NRCAM: variants seen among roughly 807,000 people sequenced by gnomAD.
The protein encoded by NRCAM is neuronal cell adhesion molecule.
In NRCAM, 83 loss-of-function variants were observed where a neutral mutation model predicts 156.5. The ratio of observed to expected loss-of-function variants is 0.53; its 90% CI spans 0.44 to 0.64. The LOEUF is 0.64. NRCAM is among the 30% of genes least tolerant of loss of function. NRCAM has a pLI of 0.00. For missense variants in NRCAM, 1,417 were observed against 1,597.3 expected, an observed-to-expected ratio of 0.89 and a Z score of 1.92; for synonymous variants, 538 against 563.9, an observed-to-expected ratio of 0.95 and a Z score of 0.65.
intron 2 of NRCAM, among the ~76,000 whole-genome samples, chr7:108,395,101 A>G (rs543605712): frequency 6.6e-6 from 1 of 152,332 alleles, no homozygotes; most frequent in South Asian, 2.1e-4. Flanking sequence ...CCCAAGGGAA[A>G]ATGAATTCAG....
chr7:108,391,692 T>C (rs2099760581), intron 2 of NRCAM, among the ~76,000 whole-genome samples: 1 of 152,212 alleles, frequency 6.6e-6, no homozygotes, highest in South Asian at 2.1e-4. Flanking sequence ...CAATTTGGCA[T>C]GTTTTTGCAG....
At chr7:108,298,352 G>T (rs532689531) in intron 3 of NRCAM, among the ~76,000 whole-genome samples, 8 of 151,528 alleles carry the variant, frequency 5.3e-5, no homozygotes, top group Non-Finnish European at 8.8e-5. Flanking sequence ...CCCCCTCCCC[G>T]CCAAAAAAAC....
At chr7:108,306,296 A>G (rs2098713776) in intron 3 of NRCAM, among the ~76,000 whole-genome samples, 1 of 152,180 alleles carries the variant, frequency 6.6e-6, no homozygotes, top group Admixed American at 6.5e-5. Flanking sequence ...TCATACGATA[A>G]TTTTTTATTA....
intron 21 of NRCAM, 30 bp downstream of exon 21, chr7:108,184,387 T>C (rs367869068): frequency 1.2e-5 from 20 of 1,613,696 alleles, no homozygotes; most frequent in Admixed American, 1.7e-5. Context: ...TTATATTTCG[T>C]ACCCTAGAAG....
chr7:108,230,925 G>C, intron 8 of NRCAM, 106 bp downstream of exon 8: 2 of 829,782 alleles, frequency 2.4e-6, no homozygotes, highest in Non-Finnish European at 3.7e-6. Flanking sequence ...CTGTTTTCCT[G>C]AGCATCTCTA....
At chr7:108,206,599 T>G (rs950396805) in intron 13 of NRCAM, among the ~76,000 whole-genome samples, 17 of 152,012 alleles carry the variant, frequency 1.1e-4, no homozygotes, top group African/African-American at 3.9e-4. Context: ...TAGCTGGTGG[T>G]GGGTGGGGTA....
In NRCAM at chr7:108,150,150, G is replaced by A; in HGVS notation, c.3678-3C>T. ...AAGGCTTGTGGTCTTCTGCATCACTGGAAGAAAGAGAAAACATTTTTGTCA... is the reference window on the plus strand; with the variant it reads ...AAGGCTTGTGGTCTTCTGCATCACTAGAAGAAAGAGAAAACATTTTTGTCA... On this transcript the variant is annotated splice_polypyrimidine_tract_variant and splice_region_variant and intron_variant, in intron 32 of 32. Transcript: ENST00000379028. 1 of 1,583,186 alleles carries A rather than the reference G, an allele frequency of 6.3e-7. No homozygotes were observed. Among genetic ancestry groups the A allele is most frequent in the Non-Finnish European group, 8.5e-7 (1 of 1,170,284 alleles).
At chr7:108,414,365 C>T (rs1798951720) in intron 1 of NRCAM, among the ~76,000 whole-genome samples, 1 of 152,194 alleles carries the variant, frequency 6.6e-6, no homozygotes, top group African/African-American at 2.4e-5. Context: ...CGTTCCCTCA[C>T]TATTTTTGTC....
In NRCAM at chr7:108,449,355, G is replaced by A. The variant is rs531816901; in HGVS notation, c.-332+6888C>T. On this transcript the variant is annotated intron_variant, in intron 1 of 32. Transcript: ENST00000379028. ...TTCCTTTTCAGTGTTCTTCAACTTT[G>A]ACCCAGCTCCCCCCTCCCTTCACTG... 5.9e-5 allele frequency among the ~76,000 whole-genome samples: 9 copies of A among 152,204 alleles called. No homozygotes were observed. In the South Asian group the frequency reaches 1.5e-3, roughly 25 times the overall value.
chr7:108,397,267 G>A (rs2099779436), intron 2 of NRCAM, among the ~76,000 whole-genome samples: 1 of 152,180 alleles, frequency 6.6e-6, no homozygotes, highest in Non-Finnish European at 1.5e-5. Context: ...TTCCTGAAAA[G>A]ATGGTAGTGA....
chr7:108,176,332 A>T, intron 27 of NRCAM, 98 bp downstream of exon 27: 1 of 1,057,384 alleles, frequency 9.5e-7, no homozygotes, highest in Non-Finnish European at 1.4e-6. Context: ...TAATCAGGTA[A>T]GACAGACGTT....
Position 108,149,911 on chromosome 7 carries a change from T to C in NRCAM, c.3914A>G (p.Ter1305=), listed in dbSNP as rs1266689206. The change falls in exon 33 of 33, where the codon TAA becomes TGA. Residue 1305 remains the stop codon, a stop_retained_variant. Coordinates refer to ENST00000379028, the MANE Select transcript of NRCAM (RefSeq NM_001037132.4). ...GAATATTGGCAAAGAGCTTAAAAATTAAACAAAGGAATTCATGGCGTTGAC... is the reference window on the plus strand; with the variant it reads ...GAATATTGGCAAAGAGCTTAAAAATCAAACAAAGGAATTCATGGCGTTGAC... ...SPVNAMNSFV[*] is the part of the protein sequence containing the mutation. 6.2e-7 allele frequency: 1 copy of C among 1,603,282 alleles called. No homozygotes were observed. The highest frequency in any genetic ancestry group is 8.5e-7 in the Non-Finnish European group (1 of 1,177,084).
chr7:108,323,332 C>A (rs1001049761), intron 2 of NRCAM, among the ~76,000 whole-genome samples: 1 of 152,184 alleles, frequency 6.6e-6, no homozygotes, highest in Non-Finnish European at 1.5e-5. Context: ...TCCATTTCCA[C>A]ATTTTTTCAT....
rs543660976 is a variant in NRCAM at position 108,430,598 on chromosome 7, A to G, written c.-332+25645T>C. The stretch of plus-strand genomic sequence containing the variant: ...ATCAGTTTGGAAAACATTAAATACA[A>G]AATACTTCTTTTAATATATCTAGTG... On this transcript the variant is annotated intron_variant, in intron 1 of 32. Coordinates refer to ENST00000379028, the MANE Select transcript of NRCAM (RefSeq NM_001037132.4). Among the ~76,000 whole-genome samples, 274 of 152,288 alleles carry G rather than the reference A, an allele frequency of 1.8e-3. 1 individual carries two copies. The highest frequency in any genetic ancestry group is 3.4e-3 in the Non-Finnish European group (234 of 68,016).
intron 2 of NRCAM, among the ~76,000 whole-genome samples, chr7:108,316,347 C>T (rs1198161492): frequency 6.6e-6 from 1 of 152,210 alleles, no homozygotes; most frequent in Non-Finnish European, 1.5e-5. Context: ...TTGGACTTCT[C>T]TGCCTCCAGA....
chr7:108,180,522 C>T, intron 24 of NRCAM, 95 bp from the exon 25 acceptor site: 1 of 990,142 alleles, frequency 1.0e-6, no homozygotes, highest in African/African-American at 1.6e-5. Flanking sequence ...CCAGAAAATT[C>T]CGTTGGTATA....
At chr7:108,442,920 A>G (rs936107994) in intron 1 of NRCAM, among the ~76,000 whole-genome samples, 2 of 151,922 alleles carry the variant, frequency 1.3e-5, no homozygotes, top group African/African-American at 2.4e-5. Flanking sequence ...AAAAATAGCC[A>G]TAATTCAAAA....
intron 1 of NRCAM, among the ~76,000 whole-genome samples, chr7:108,435,735 C>T (rs1831248284): frequency 6.6e-6 from 1 of 152,182 alleles, no homozygotes. Context: ...CACATGTACC[C>T]CTGAACTTAA....
chr7:108,307,439 A>G (rs2098733477), intron 3 of NRCAM, among the ~76,000 whole-genome samples: 1 of 152,228 alleles, frequency 6.6e-6, no homozygotes, highest in African/African-American at 2.4e-5. Context: ...TCCATGCACC[A>G]TATCCTACTC....
Sources: allele counts gnomAD v4.1 joint callset (sites outside exome capture counted in the v4.1 genomes callset), GRCh38; gene constraint gnomAD v4.1.1; transcripts MANE v1.5; gene names NCBI Gene and HGNC (gene_info 2026-07-23, HGNC 2026-07-21).